The following COPRS variants were observed in gnomAD, a reference collection of about 807,000 sequenced individuals.
The protein encoded by COPRS is cooperator of PRMT5.
In COPRS, 11 loss-of-function variants were observed where a neutral mutation model predicts 19.9. The ratio of observed to expected loss-of-function variants is 0.55; its 90% confidence interval spans 0.35 to 0.92. The LOEUF (loss-of-function observed/expected upper bound fraction) is 0.92, where lower values mean the gene tolerates loss of function less well. COPRS is among the 40% of genes least tolerant of loss of function. The pLI is 0.01. For synonymous variants in COPRS, 81 were observed against 82.7 expected (o/e 0.98, Z 0.11); for missense variants, 225 against 229.9 (o/e 0.98, Z 0.14).
intron 2 of COPRS, among the ~76,000 whole-genome samples, chr17:31,855,190 A>G (rs1334420999): frequency 6.6e-6 from 1 of 152,040 alleles, no homozygotes; most frequent in African/African-American, 2.4e-5. Context: ...AGCCTGGCCA[A>G]CATGGTGAAA....
rs779892387 is a variant in COPRS at position 31,852,831 on chromosome 17, T to C, written c.366A>G (p.Ala122=). Residue 122 remains alanine (A), a synonymous_variant, in exon 3 of 4, where the codon GCA becomes GCG. Coordinates refer to ENST00000302362, the MANE Select transcript of COPRS (RefSeq NM_018405.4). ...FNEDWDSELK[A]DQGNPYDADD... ...ACCTACCATATGGATTCCCTTGATC[T>C]GCTTTCAACTCCGAGTCCCAGTCCT... 45 of 1,613,962 alleles carry C rather than the reference T, an allele frequency of 2.8e-5. 1 individual carries two copies. In the Middle Eastern group the frequency reaches 1.8e-3, roughly 65 times the overall value.
chr17:31,855,626 CA>C (rs1449833071), intron 2 of COPRS, among the ~76,000 whole-genome samples: 3 of 151,136 alleles, frequency 2.0e-5, no homozygotes, highest in African/African-American at 4.9e-5. Context: ...ACAGAGGTTG[CA>C]GTGAGCCAAG....
rs777138037 is a variant in COPRS, at chr17:31,852,212, T to A, written c.482A>T (p.His161Leu). 5.1e-5 allele frequency: 83 copies of A among 1,614,008 alleles called. No individual in the cohort carries two copies. Among genetic ancestry groups the A allele is most frequent in the Non-Finnish European group, 6.9e-5 (81 of 1,180,016 alleles). ...GDMIYDPSWHHPPPLIPYYSK... is the reference protein window; with the variant it reads ...GDMIYDPSWHLPPPLIPYYSK... Reference sequence around the variant, plus strand: ...ATAATAGGGTATCAGTGGAGGCGGATGGTGCCAGCTGGGGTCATAGATCAT... The same window carrying A: ...ATAATAGGGTATCAGTGGAGGCGGAAGGTGCCAGCTGGGGTCATAGATCAT... Residue 161 changes from histidine (H) to leucine (L), a missense_variant, in exon 4 of 4, where the codon CAT (histidine) becomes CTT (leucine). Coordinates refer to ENST00000302362, the MANE Select transcript of COPRS (RefSeq NM_018405.4).
In COPRS at chr17:31,852,953, T is replaced by C. The variant is rs765619519; in HGVS notation, c.244A>G (p.Met82Val). Residue 82 changes from methionine (M) to valine (V), a missense_variant, in exon 3 of 4, where the codon ATG becomes GTG. Met to Val is a conservative substitution (Grantham distance 21, BLOSUM62 1). Coordinates refer to ENST00000302362, the MANE Select transcript of COPRS (RefSeq NM_018405.4). ...TCTCCATCAGAGTCCTCCTCATCCA[T>C]GGCAAAGCCTTCCTCTTCAGAATGG... Reference protein sequence around the residue: ...GTHSEEEGFAMDEEDSDGELN... With the variant: ...GTHSEEEGFAVDEEDSDGELN... The C allele has an allele frequency of 1.9e-6, 3 of 1,614,148 alleles. No individual in the cohort carries two copies. The highest frequency in any genetic ancestry group is 1.7e-5 in the Admixed American group (1 of 60,024).
Position 31,852,890 on chromosome 17 carries a change from G to A in COPRS, c.307C>T (p.Pro103Ser). Residue 103 changes from proline (P) to serine (S), a missense_variant, in exon 3 of 4, where the codon CCA (proline) becomes TCA (serine). Physicochemically the swap from Pro to Ser is moderately conservative, Grantham distance 74 (BLOSUM62 -1). Transcript: ENST00000302362. ...AGATCGCCAGGCTGTTCCTTGGGTG[G>A]ACAGTTTGTCCCTTCTGACAGCTCC... Reference protein sequence around the residue: ...TWELSEGTNCPPKEQPGDLFN... With the variant: ...TWELSEGTNCSPKEQPGDLFN... 1 of 1,614,120 alleles carries A rather than the reference G, an allele frequency of 6.2e-7. No individual in the cohort carries two copies. The highest frequency in any genetic ancestry group is 1.1e-5 in the South Asian group (1 of 91,068).
rs142046999 is a variant in COPRS at position 31,852,254 on chromosome 17, C to T, written c.440G>A (p.Cys147Tyr). The change falls in exon 4 of 4, where the codon TGT becomes TAT. Residue 147 changes from cysteine to tyrosine, a missense_variant. By Grantham distance (194) the Cys-to-Tyr change is radical (BLOSUM62 -2). Transcript: ENST00000302362. The part of the protein sequence containing the change: ...ISQELKPWVC[C>Y]APQGDMIYDP... ...ATAGATCATGTCTCCTTGTGGGGCACAGCACACCCAAGGTTTAAGCTCTTG... is the reference window on the plus strand; with the variant it reads ...ATAGATCATGTCTCCTTGTGGGGCATAGCACACCCAAGGTTTAAGCTCTTG... The T allele has an allele frequency of 1.2e-6, 2 of 1,613,720 alleles. No homozygotes were observed. Among genetic ancestry groups the T allele is most frequent in the Non-Finnish European group, 1.7e-6 (2 of 1,179,860 alleles).
chr17:31,853,634 C>A (rs1181389547), intron 2 of COPRS, among the ~76,000 whole-genome samples: 1 of 152,192 alleles, frequency 6.6e-6, no homozygotes, highest in Admixed American at 6.5e-5. Flanking sequence ...CCCGCCTCGG[C>A]CTCCCAAAGT....
At chr17:31,854,300 G>T (rs1909256188) in intron 2 of COPRS, among the ~76,000 whole-genome samples, 1 of 146,592 alleles carries the variant, frequency 6.8e-6, no homozygotes, top group South Asian at 2.2e-4. Flanking sequence ...AACCTGGGAG[G>T]TGGAGGCTGC....
At position 31,852,240 on chromosome 17, in the gene COPRS, C is replaced by T; in HGVS notation, c.454G>A (p.Asp152Asn). 1 of 1,614,090 alleles carries T rather than the reference C, an allele frequency of 6.2e-7. No homozygotes were observed. Among genetic ancestry groups the T allele is most frequent in the Non-Finnish European group, 8.5e-7 (1 of 1,179,980 alleles). The change falls in exon 4 of 4, where the codon GAC (aspartate) becomes AAC (asparagine). Residue 152 changes from aspartate to asparagine, a missense_variant. By Grantham distance (23) the Asp-to-Asn change is conservative (BLOSUM62 1). This residue lies in a region of COPRS where 170 missense variants were observed against 171.4 expected (regional missense o/e 0.99). Transcript: ENST00000302362. ...TGCCAGCTGGGGTCATAGATCATGT[C>T]TCCTTGTGGGGCACAGCACACCCAA... ...KPWVCCAPQG[D>N]MIYDPSWHHP...
intron 2 of COPRS, among the ~76,000 whole-genome samples, chr17:31,855,593 C>A (rs112272042): frequency 6.6e-6 from 1 of 150,782 alleles, no homozygotes; most frequent in African/African-American, 2.4e-5. Context: ...GGCTGAGGCA[C>A]GAGAATCACT....
chr17:31,856,881 A>G lies in COPRS; in HGVS notation c.100-16T>C. On this transcript the variant is annotated splice_polypyrimidine_tract_variant and intron_variant, in intron 1 of 3. Transcript: ENST00000302362. ...CAAAGCCAGCCTGCAGGAAGAAGAA[A>G]TGATTACCAAGGACTTGGGTATCTG... The G allele has an allele frequency of 5.2e-6, 8 of 1,551,176 alleles. No individual in the cohort carries two copies. Among genetic ancestry groups the G allele is most frequent in the Non-Finnish European group, 7.1e-6 (8 of 1,124,322 alleles).
At chr17:31,858,917 G>T (rs945658000) in intron 1 of COPRS, 184 bp downstream of exon 1, 62 of 1,469,674 alleles carry the variant, frequency 4.2e-5, no homozygotes, top group Non-Finnish European at 5.0e-5. Context: ...CCGCAGCCCC[G>T]CGGCCCCGCG....
chr17:31,856,421 C>A, intron 2 of COPRS: 1 of 222,720 alleles, frequency 4.5e-6, no homozygotes, highest in Non-Finnish European at 8.8e-6. Context: ...TGTTATTAAT[C>A]ACATATGCAT....
chr17:31,858,682 G>C, intron 1 of COPRS: 1 of 1,417,980 alleles, frequency 7.1e-7, no homozygotes, highest in East Asian at 2.5e-5. Context: ...TGGGGCTCAG[G>C]GTTAGCTGGC....
At chr17:31,859,066 C>A in intron 1 of COPRS, 35 bp downstream of exon 1, 1 of 1,148,914 alleles carries the variant, frequency 8.7e-7, no homozygotes, top group Non-Finnish European at 1.1e-6. Context: ...CAGGCTGCGG[C>A]TGGCTGTTGC....
At chr17:31,858,366 T>A in intron 1 of COPRS, 1 of 985,414 alleles carries the variant, frequency 1.0e-6, no homozygotes, top group African/African-American at 1.7e-5. Context: ...ATTTTTCATA[T>A]CTTACTTTGG....
intron 1 of COPRS, chr17:31,858,638 C>T (rs1909433112): frequency 3.4e-6 from 4 of 1,159,800 alleles, no homozygotes; most frequent in Non-Finnish European, 5.0e-6. Context: ...TTTCTGGTTT[C>T]AGTAAGGAGA....
At position 31,851,965 on chromosome 17, in the gene COPRS, A is replaced by C; in HGVS notation, c.*174T>G. The C allele has an allele frequency of 4.3e-5, 27 of 631,956 alleles. No individual in the cohort carries two copies. 39.1% of individuals were successfully genotyped at this position (631,956 alleles called of 1,614,324 possible). A position where few individuals can be genotyped will look rare whatever the true frequency, so the allele number is the denominator to read the frequency against. ...AGGAGCCCATTAAGAACAACAACAG[A>C]CTGGCGAGAATGACGGGGCCTTATT... On this transcript the variant is annotated 3_prime_UTR_variant, in exon 4 of 4. Transcript: ENST00000302362.
chr17:31,858,672 T>C (rs1301721665), intron 1 of COPRS: 3 of 1,365,486 alleles, frequency 2.2e-6, no homozygotes, highest in Non-Finnish European at 3.1e-6. Flanking sequence ...ATGTGACATC[T>C]GGGGCTCAGG....
Sources: allele counts gnomAD v4.1 joint callset (sites outside exome capture counted in the v4.1 genomes callset), GRCh38; gene constraint gnomAD v4.1.1; regional missense constraint gnomAD v4.1.1; transcripts MANE v1.5; gene names NCBI Gene and HGNC (gene_info 2026-07-23, HGNC 2026-07-21).